The following TNC variants were observed in gnomAD, a reference collection of about 807,000 sequenced individuals.
TNC encodes the protein tenascin.
Under a neutral mutation model 202.4 loss-of-function variants are expected in TNC, and 109 were observed. That is an observed-to-expected ratio of 0.54 (90% CI 0.46 to 0.63). The LOEUF (loss-of-function observed/expected upper bound fraction) is 0.63, where lower values mean the gene tolerates loss of function less well. Ranked by LOEUF, TNC falls within the 30% of genes least tolerant of loss-of-function variation. TNC has a pLI of 0.00. For missense variants in TNC, 2,756 were observed against 2,833.3 expected (o/e 0.97, Z 0.62); for synonymous variants, 1,007 against 1,089.7 (o/e 0.92, Z 1.50).
At position 115,090,712 on chromosome 9, in the gene TNC, G is replaced by A. The variant is rs1309679967; in HGVS notation, c.307C>T (p.Arg103Cys). Residue 103 changes from arginine to cysteine, a missense_variant, in exon 2 of 28, where the codon CGC becomes TGC. This residue lies in a region of TNC where 2,559 missense variants were observed against 2,546.0 expected (regional missense o/e 1.01). Transcript: ENST00000350763. ...CAGGCCCGGCGGGGGATGTTGATGC[G>A]ATGTGTGAAGACAATCTGGTTTTCC... The part of the protein sequence containing the change: ...DGENQIVFTH[R>C]INIPRRACGC... 7 of 1,614,076 alleles carry A rather than the reference G, an allele frequency of 4.3e-6. No homozygotes were observed. Among genetic ancestry groups the A allele is most frequent in the African/African-American group, 1.3e-5 (1 of 74,942 alleles).
chr9:115,101,062 C>T (rs180830334), intron 1 of TNC, among the ~76,000 whole-genome samples: 188 of 152,210 alleles, frequency 1.2e-3, no homozygotes, highest in African/African-American at 4.3e-3. Context: ...ACTTTTCTGT[C>T]TATCTATCCA....
In TNC at chr9:115,076,655, T is replaced by C. The variant is rs550802129; in HGVS notation, c.2675-80A>G. ...GTCTTTGACAGCTCAAGCTGACATATGAAACGTGCCTGGAACTGGAGAGAA... is the reference window on the plus strand; with the variant it reads ...GTCTTTGACAGCTCAAGCTGACATACGAAACGTGCCTGGAACTGGAGAGAA... On this transcript the variant is annotated intron_variant, in intron 7 of 27. Transcript: ENST00000350763. 2.0e-5 allele frequency: 29 copies of C among 1,483,578 alleles called. No homozygotes were observed. The Admixed American group carries it at 4.1e-4, about 21-fold the overall frequency. The allele number at this position is 1,483,578 out of a possible 1,614,324, so 91.9% of individuals were successfully genotyped here.
rs565942829 is a variant in TNC, at chr9:115,086,505, G to A, written c.1226C>T (p.Pro409Leu). Residue 409 changes from proline (P) to leucine (L), a missense_variant, in exon 3 of 28, where the codon CCC becomes CTC. Pro to Leu is a moderately conservative substitution (Grantham distance 98). This residue lies in a region of TNC where 2,559 missense variants were observed against 2,546.0 expected (regional missense o/e 1.01). Coordinates refer to ENST00000350763, the MANE Select transcript of TNC (RefSeq NM_002160.4). ...GCGGCCATGGCCACTGCAGCCATTG[G>A]GACACTTGAGCTCCCCACAGTCAGC... ...TGADCGELKC[P>L]NGCSGHGRCV... 1.9e-6 allele frequency: 3 copies of A among 1,613,784 alleles called. No individual in the cohort carries two copies. The highest frequency in any genetic ancestry group is 4.5e-5 in the East Asian group (2 of 44,860).
At position 115,059,756 on chromosome 9, in the gene TNC, G is replaced by T. The variant is rs1588089232; in HGVS notation, c.4280C>A (p.Pro1427Gln). ...IYGVIRGYRT[P>Q]VLSAEASTAK... is the part of the protein sequence containing the mutation. Reference sequence around the variant, plus strand: ...TGTGGAGGCCTCAGCAGAGAGTACTGGTGTTCTATAGCCCCGGATCACCCC... The same window carrying T: ...TGTGGAGGCCTCAGCAGAGAGTACTTGTGTTCTATAGCCCCGGATCACCCC... The change falls in exon 14 of 28, where the codon CCA becomes CAA. Residue 1427 changes from proline to glutamine, a missense_variant. By Grantham distance (76) the Pro-to-Gln change is moderately conservative. This residue lies in a region of TNC where 2,559 missense variants were observed against 2,546.0 expected (regional missense o/e 1.01). Transcript: ENST00000350763. 1 of 1,612,184 alleles carries T rather than the reference G, an allele frequency of 6.2e-7. No homozygotes were observed. The highest frequency in any genetic ancestry group is 8.5e-7 in the Non-Finnish European group (1 of 1,178,618).
At chr9:115,090,445 A>C (rs1263490991) in intron 2 of TNC, 117 bp downstream of exon 2, 1 of 773,192 alleles carries the variant, frequency 1.3e-6, no homozygotes, top group Non-Finnish European at 2.1e-6. Context: ...TGTAATGAAC[A>C]CTCTGGGAAG....
chr9:115,053,788 G>A (rs1410524157), intron 15 of TNC, among the ~76,000 whole-genome samples: 1 of 152,188 alleles, frequency 6.6e-6, no homozygotes, highest in Non-Finnish European at 1.5e-5. Flanking sequence ...ATACCGTAAA[G>A]GTGAAGATGG....
At chr9:115,116,235 GA>G (rs1837457097) in intron 1 of TNC, among the ~76,000 whole-genome samples, 1 of 152,054 alleles carries the variant, frequency 6.6e-6, no homozygotes, top group African/African-American at 2.4e-5. Flanking sequence ...AAGCATAGAG[GA>G]AAAAAATATT....
intron 1 of TNC, among the ~76,000 whole-genome samples, chr9:115,111,884 A>T (rs1265484171): frequency 6.6e-6 from 1 of 152,118 alleles, no homozygotes; most frequent in Non-Finnish European, 1.5e-5. Context: ...CTTGGAAGCT[A>T]ATCATCCCCC....
At chr9:115,054,595 C>T (rs565711896) in intron 15 of TNC, among the ~76,000 whole-genome samples, 2 of 152,240 alleles carry the variant, frequency 1.3e-5, no homozygotes, top group Admixed American at 6.5e-5. Flanking sequence ...CCTCCAGCTG[C>T]CTCTCAAAGG....
chr9:115,038,420 T>C, intron 19 of TNC, 40 bp from the exon 20 acceptor site: 2 of 1,608,844 alleles, frequency 1.2e-6, no homozygotes, highest in Non-Finnish European at 1.7e-6. Flanking sequence ...AGTCATTGGG[T>C]GGGACATCAG....
intron 27 of TNC, among the ~76,000 whole-genome samples, chr9:115,023,237 G>C (rs1036218807): frequency 9.2e-5 from 14 of 152,110 alleles, no homozygotes; most frequent in African/African-American, 2.7e-4. Context: ...CTCCTCCCAG[G>C]GATGGTGACT....
intron 10 of TNC, among the ~76,000 whole-genome samples, chr9:115,065,888 C>T (rs1447016863): frequency 2.5e-5 from 3 of 121,270 alleles, no homozygotes; most frequent in East Asian, 2.3e-4. Flanking sequence ...GGTGACAGAA[C>T]GAGACTCCAT....
intron 20 of TNC, among the ~76,000 whole-genome samples, chr9:115,037,694 A>T (rs1272326550): frequency 2.0e-5 from 3 of 151,930 alleles, no homozygotes; most frequent in Non-Finnish European, 4.4e-5. Flanking sequence ...TGCCCAGCTA[A>T]TTTTTGTATT....
chr9:115,104,607 G>C (rs903235325), intron 1 of TNC, among the ~76,000 whole-genome samples: 8 of 152,186 alleles, frequency 5.3e-5, no homozygotes, highest in African/African-American at 1.9e-4. Flanking sequence ...AGGGTTGTTT[G>C]AGGCAGTGAA....
At chr9:115,053,032 G>A in intron 15 of TNC, 1 of 693,348 alleles carries the variant, frequency 1.4e-6, no homozygotes, top group Non-Finnish European at 2.6e-6. Flanking sequence ...AAGGAATATG[G>A]GCAGAGAGAA....
At chr9:115,094,025 ACT>A (rs2133789215) in intron 1 of TNC, among the ~76,000 whole-genome samples, 1 of 152,276 alleles carries the variant, frequency 6.6e-6, no homozygotes, top group African/African-American at 2.4e-5. Flanking sequence ...TTCAAATGTC[ACT>A]CACTAGCCCT....
intron 19 of TNC, among the ~76,000 whole-genome samples, chr9:115,040,045 A>G (rs1290331712): frequency 1.3e-5 from 2 of 152,184 alleles, no homozygotes; most frequent in African/African-American, 4.8e-5. Flanking sequence ...CAAAGGATAA[A>G]TTGTTTTGAG....
At position 115,090,823 on chromosome 9, in the gene TNC, C is replaced by A; in HGVS notation, c.196G>T (p.Val66Leu). The change falls in exon 2 of 28, where the codon GTG becomes TTG. Residue 66 changes from valine to leucine, a missense_variant. Coordinates refer to ENST00000350763, the MANE Select transcript of TNC (RefSeq NM_002160.4). ...IKLPVGSQCS[V>L]DLESASGEKD... The stretch of plus-strand genomic sequence containing the variant: ...TCCCCACTGGCTGACTCCAGATCCA[C>A]CGAACACTGGGATCCCACTGGCAGC... 3 of 1,614,204 alleles carry A rather than the reference C, an allele frequency of 1.9e-6. No individual in the cohort carries two copies. The highest frequency in any genetic ancestry group is 2.5e-6 in the Non-Finnish European group (3 of 1,180,018).
intron 3 of TNC, among the ~76,000 whole-genome samples, chr9:115,085,489 A>G (rs1486470244): frequency 6.6e-6 from 1 of 152,182 alleles, no homozygotes; most frequent in Non-Finnish European, 1.5e-5. Flanking sequence ...GATATTTAGC[A>G]AAAGAGAGAG....
Sources: allele counts gnomAD v4.1 joint callset (sites outside exome capture counted in the v4.1 genomes callset), GRCh38; gene constraint gnomAD v4.1.1; regional missense constraint gnomAD v4.1.1; transcripts MANE v1.5; gene names NCBI Gene and HGNC (gene_info 2026-07-23, HGNC 2026-07-21).